Variants in RARB observed in about 807,000 individuals in gnomAD.
RARB encodes HBV-activated protein.
RARB carries 17 observed loss-of-function variants against 51.9 expected under a neutral mutation model. The ratio of observed to expected loss-of-function variants is 0.33; its 90% CI spans 0.22 to 0.49. The LOEUF (loss-of-function observed/expected upper bound fraction) is 0.49. RARB is among the 20% of genes least tolerant of loss of function. The pLI, the probability that RARB is intolerant of heterozygous loss-of-function variation, is 0.99. For synonymous variants in RARB, 215 were observed against 195.4 expected (o/e 1.10, Z -0.84); for missense variants, 369 against 550.8 (o/e 0.67, Z 3.30).
intron 3 of RARB, among the ~76,000 whole-genome samples, chr3:25,520,164 A>C (rs1345313575): frequency 6.6e-6 from 1 of 152,208 alleles, no homozygotes; most frequent in Non-Finnish European, 1.5e-5. Context: ...AATATCTACT[A>C]TCTGGCCCTT....
chr3:25,490,234 G>A (rs933200461), intron 2 of RARB, among the ~76,000 whole-genome samples: 21 of 152,068 alleles, frequency 1.4e-4, no homozygotes, highest in Admixed American at 1.2e-3. Context: ...ATTCCAACAT[G>A]GCCCTGAAAA....
At chr3:24,972,112 G>A (rs1052456910) in intron 2 of RARB, among the ~76,000 whole-genome samples, 1 of 151,648 alleles carries the variant, frequency 6.6e-6, no homozygotes, top group African/African-American at 2.4e-5. Flanking sequence ...CTGTATATTT[G>A]CACCCATTAA....
chr3:25,219,630 C>T (rs1311089258), intron 5 of RARB, among the ~76,000 whole-genome samples: 4 of 152,152 alleles, frequency 2.6e-5, no homozygotes, highest in Non-Finnish European at 5.9e-5. Flanking sequence ...CTCCCCACCA[C>T]TCCCCAAGCC....
intron 2 of RARB, among the ~76,000 whole-genome samples, chr3:25,493,829 A>C (rs1241096299): frequency 6.6e-6 from 1 of 152,200 alleles, no homozygotes; most frequent in Admixed American, 6.5e-5. Flanking sequence ...CCTTTCTTCA[A>C]ACAATCATGA....
chr3:25,562,049 C>A (rs1661770435), intron 3 of RARB, among the ~76,000 whole-genome samples: 1 of 152,024 alleles, frequency 6.6e-6, no homozygotes, highest in South Asian at 2.1e-4. Flanking sequence ...ATATATGGGA[C>A]CCCTATTTGA....
At chr3:24,949,527 T>G (rs1412594976) in intron 2 of RARB, among the ~76,000 whole-genome samples, 1 of 152,226 alleles carries the variant, frequency 6.6e-6, no homozygotes, top group Non-Finnish European at 1.5e-5. Flanking sequence ...ATGCTCTCCA[T>G]AAGGATATAT....
intron 2 of RARB, among the ~76,000 whole-genome samples, chr3:24,914,206 T>C (rs1442515226): frequency 6.6e-6 from 1 of 152,208 alleles, no homozygotes; most frequent in Non-Finnish European, 1.5e-5. Context: ...TTTAAATTTG[T>C]CCAGCACCCC....
intron 2 of RARB, among the ~76,000 whole-genome samples, chr3:25,488,532 A>G (rs1033141841): frequency 1.3e-5 from 2 of 152,096 alleles, no homozygotes; most frequent in African/African-American, 4.8e-5. Flanking sequence ...AACACCCCCA[A>G]AGCTCCTAGA....
chr3:25,200,898 T>C (rs1701373314), intron 5 of RARB, among the ~76,000 whole-genome samples: 2 of 152,220 alleles, frequency 1.3e-5, no homozygotes, highest in South Asian at 4.1e-4. Context: ...TTTGTTCTTT[T>C]GGCTTAGGAT....
intron 3 of RARB, among the ~76,000 whole-genome samples, chr3:25,555,147 A>G (rs1371633622): frequency 6.6e-6 from 1 of 152,256 alleles, no homozygotes; most frequent in African/African-American, 2.4e-5. Context: ...TGAATGAATG[A>G]GTAAATTGAC....
At chr3:25,534,978 A>G (rs1699079131) in intron 3 of RARB, among the ~76,000 whole-genome samples, 1 of 152,216 alleles carries the variant, frequency 6.6e-6, no homozygotes, top group South Asian at 2.1e-4. Flanking sequence ...AAATGATCAA[A>G]ATAGCCATGT....
intron 2 of RARB, among the ~76,000 whole-genome samples, chr3:24,957,716 C>G (rs889308542): frequency 2.6e-5 from 4 of 152,176 alleles, no homozygotes; most frequent in Non-Finnish European, 5.9e-5. Flanking sequence ...CAAATTTGAC[C>G]TCAACTGTGT....
chr3:25,071,173 A>G (rs1424826529), intron 3 of RARB, among the ~76,000 whole-genome samples: 1 of 152,228 alleles, frequency 6.6e-6, no homozygotes, highest in East Asian at 1.9e-4. Context: ...TGCAGTGCTC[A>G]GAAGAGAAAT....
intron 5 of RARB, among the ~76,000 whole-genome samples, chr3:25,384,267 CTCCT>C (rs1706727139): frequency 6.6e-6 from 1 of 151,780 alleles, no homozygotes; most frequent in African/African-American, 2.4e-5. Context: ...AGTATAATGT[CTCCT>C]TCCTTCCTTC....
chr3:25,242,044 G>T (rs1208104928), intron 5 of RARB, among the ~76,000 whole-genome samples: 1 of 152,172 alleles, frequency 6.6e-6, no homozygotes, highest in Non-Finnish European at 1.5e-5. Flanking sequence ...GTTTTGATTT[G>T]CATTTCTCTA....
intron 5 of RARB, among the ~76,000 whole-genome samples, chr3:25,211,287 C>A (rs1298555493): frequency 6.6e-6 from 1 of 152,050 alleles, no homozygotes; most frequent in Non-Finnish European, 1.5e-5. Flanking sequence ...GAGTGCTGAG[C>A]AGGGGAAAGG....
chr3:25,257,683 C>T (rs1019456941), intron 5 of RARB, among the ~76,000 whole-genome samples: 1 of 152,094 alleles, frequency 6.6e-6, no homozygotes, highest in East Asian at 1.9e-4. Context: ...CCGCTCCTTC[C>T]TAGGCTCTAT....
chr3:25,536,440 T>C (rs1279828210), intron 3 of RARB, among the ~76,000 whole-genome samples: 2 of 152,188 alleles, frequency 1.3e-5, no homozygotes, highest in Non-Finnish European at 2.9e-5. Flanking sequence ...TGCCAATTCA[T>C]TACAACCTCA....
At chr3:24,860,792 G>T (rs1044838057) in intron 2 of RARB, among the ~76,000 whole-genome samples, 2 of 152,116 alleles carry the variant, frequency 1.3e-5, no homozygotes, top group Non-Finnish European at 2.9e-5. Flanking sequence ...GTGACATTAG[G>T]TACAGAGAGG....
Sources: gnomAD v4.1 joint callset for allele counts (sites outside exome capture counted in the v4.1 genomes callset) on GRCh38, gnomAD v4.1.1 for gene constraint, MANE v1.5 for transcripts, NCBI Gene and HGNC (gene_info 2026-07-23, HGNC 2026-07-21) for gene names.